Variants in ZNF44 observed in about 807,000 individuals in gnomAD.
ZNF44 encodes gonadotropin inducible transcription repressor-2.
Under a neutral mutation model 11.7 loss-of-function variants are expected in ZNF44, and 9 were observed. That is an observed-to-expected ratio of 0.77 (90% CI 0.46 to 1.35). ZNF44 has a LOEUF of 1.35. ZNF44 is among the 40% of genes most tolerant of loss of function. The pLI is 0.00. For synonymous variants in ZNF44, 224 were observed against 242.7 expected (o/e 0.92, Z 0.72); for missense variants, 696 against 743.1 (o/e 0.94, Z 0.74).
chr19:12,269,332 G>T (rs7256561), downstream of ZNF44, among the ~76,000 whole-genome samples: 7 of 151,988 alleles, frequency 4.6e-5, no homozygotes, highest in East Asian at 1.9e-4. Flanking sequence ...AGACCATCCT[G>T]GCTAACACGG....
upstream of ZNF44, among the ~76,000 whole-genome samples, chr19:12,239,561 A>G (rs1468410184): frequency 5.6e-5 from 8 of 142,620 alleles, no homozygotes; most frequent in African/African-American, 1.6e-4. Context: ...AGCCCAGCCC[A>G]AGTTGCATTT....
At chr19:12,293,809 G>T (rs1285471791) in intron 1 of ZNF44, among the ~76,000 whole-genome samples, 1 of 152,068 alleles carries the variant, frequency 6.6e-6, no homozygotes, top group Non-Finnish European at 1.5e-5. Flanking sequence ...TGGAAAGAAA[G>T]GACTGAAGAG....
intron 5 of ZNF44, among the ~76,000 whole-genome samples, chr19:12,258,666 C>T (rs1273561732): frequency 2.6e-5 from 4 of 151,978 alleles, no homozygotes; most frequent in Admixed American, 6.6e-5. Context: ...CTCGTCTCTA[C>T]GAAAAACACA....
downstream of ZNF44, among the ~76,000 whole-genome samples, chr19:12,247,111 A>G (rs564054990): frequency 3.3e-5 from 5 of 152,212 alleles, no homozygotes; most frequent in Admixed American, 1.3e-4. Context: ...TACATTTATA[A>G]TATTTTTTCA....
chr19:12,249,506 A>AG (rs200022379), intron 7 of ZNF44, among the ~76,000 whole-genome samples: 20,348 of 140,412 alleles, frequency 0.14, 1,881 homozygotes, highest in African/African-American at 0.24. Context: ...ACTCCGTCTC[A>AG]GAAAAAAAAA....
intron 5 of ZNF44, among the ~76,000 whole-genome samples, chr19:12,254,930 T>C (rs976970940): frequency 1.3e-5 from 2 of 151,146 alleles, no homozygotes; most frequent in Admixed American, 1.3e-4. Context: ...TTACTAAAAA[T>C]ACAAAAAAAT....
At chr19:12,290,694 T>C (rs1967974166) in intron 1 of ZNF44, among the ~76,000 whole-genome samples, 1 of 149,992 alleles carries the variant, frequency 6.7e-6, no homozygotes, top group Admixed American at 6.6e-5. Context: ...AGTGAGACTC[T>C]ACCTCAAATA....
exon 8 of ZNF44, chr19:12,248,272 T>C: frequency 7.7e-7 from 1 of 1,297,006 alleles, no homozygotes; most frequent in Non-Finnish European, 1.0e-6. Flanking sequence ...CCACATTCTT[T>C]ACACTTAAAG....
chr19:12,276,206 T>G, intron 1 of ZNF44, 124 bp from the exon 2 acceptor site: 1 of 1,423,228 alleles, frequency 7.0e-7, no homozygotes, highest in Non-Finnish European at 9.7e-7. Context: ...ACGTGGTAAA[T>G]CCACTCTTAT....
At chr19:12,292,661 A>G (rs773927173) in intron 1 of ZNF44, among the ~76,000 whole-genome samples, 6 of 152,046 alleles carry the variant, frequency 3.9e-5, no homozygotes, top group African/African-American at 1.4e-4. Flanking sequence ...TTTCAGGCTC[A>G]TGCAAAACCT....
intron 3 of ZNF44, among the ~76,000 whole-genome samples, chr19:12,229,495 T>G (rs1916065416): frequency 6.6e-6 from 1 of 152,200 alleles, no homozygotes; most frequent in South Asian, 2.1e-4. Context: ...AAAAAAGTAA[T>G]TCAGTTAACT....
intron 1 of ZNF44, among the ~76,000 whole-genome samples, chr19:12,286,788 T>TA (rs1967773563): frequency 6.6e-6 from 1 of 150,962 alleles, no homozygotes; most frequent in East Asian, 1.9e-4. Context: ...CCATCTCTAC[T>TA]AAAAATACAA....
chr19:12,294,794 T>C lies in ZNF44; in HGVS notation c.-100A>G. The C allele has an allele frequency of 7.0e-7, 1 of 1,426,522 alleles. No homozygotes were observed. The highest frequency in any genetic ancestry group is 9.4e-7 in the Non-Finnish European group (1 of 1,061,110). 88.4% of individuals were successfully genotyped at this position (1,426,522 alleles called of 1,614,324 possible). A position where few individuals can be genotyped will look rare whatever the true frequency, so the allele number is the denominator to read the frequency against. On this transcript the variant is annotated 5_prime_UTR_variant, in exon 1 of 4. Transcript: ENST00000355684. ...ACAGATGTCCCAGGGCGTCTCTCAG[T>C]GACAGAATACGGAACAGAGGTCACC...
intron 2 of ZNF44, among the ~76,000 whole-genome samples, chr19:12,233,570 A>C (rs2438542): frequency 0.017 from 2,568 of 148,642 alleles, 102 homozygotes; most frequent in African/African-American, 0.064. Context: ...AAAAAAAAAA[A>C]AACCTGACAA....
At position 12,227,907 on chromosome 19, in the gene ZNF44, C is replaced by G. The variant is rs1044158896; in HGVS notation, n.437-1380G>C. 2.0e-5 allele frequency among the ~76,000 whole-genome samples: 3 copies of G among 152,190 alleles called. No homozygotes were observed. The South Asian group carries it at 6.2e-4, about 31-fold the overall frequency. ...GTAGTGTGCTATGAATATTAAACTC[C>G]ATTTTTAATAAAACCTTGTAGATGC... On this transcript the variant is annotated intron_variant and non_coding_transcript_variant, in intron 3 of 3. Transcript: ENST00000597563.
intron 3 of ZNF44, among the ~76,000 whole-genome samples, chr19:12,228,375 G>C (rs934560938): frequency 1.3e-5 from 2 of 152,178 alleles, no homozygotes; most frequent in East Asian, 1.9e-4. Flanking sequence ...ACTAGGTGTA[G>C]AGCCTAGGAC....
At chr19:12,266,433 A>C in intron 5 of ZNF44, 14 of 706,146 alleles carry the variant, frequency 2.0e-5, no homozygotes, top group Non-Finnish European at 2.3e-5. Context: ...AAAAACCCAA[A>C]CCCACGGGCT....
At chr19:12,254,811 C>T (rs1233426122) in intron 5 of ZNF44, among the ~76,000 whole-genome samples, 2 of 151,896 alleles carry the variant, frequency 1.3e-5, no homozygotes, top group African/African-American at 2.4e-5. Flanking sequence ...AGGGGCTAGG[C>T]GTGGTGGCTC....
At chr19:12,251,616 C>T (rs527869739) in intron 5 of ZNF44, among the ~76,000 whole-genome samples, 1 of 152,286 alleles carries the variant, frequency 6.6e-6, no homozygotes, top group African/African-American at 2.4e-5. Context: ...AATCTCTACA[C>T]TTCTGAGCCT....
Sources: allele counts gnomAD v4.1 joint callset (sites outside exome capture counted in the v4.1 genomes callset), GRCh38; gene constraint gnomAD v4.1.1; transcripts MANE v1.5; gene names NCBI Gene and HGNC (gene_info 2026-07-23, HGNC 2026-07-21).